The following SUCLA2 variants were observed in gnomAD, a reference collection of about 807,000 sequenced individuals.
SUCLA2 encodes succinate--CoA ligase [ADP-forming] subunit beta, mitochondrial.
Under a neutral mutation model 54.8 loss-of-function variants are expected in SUCLA2, and 30 were observed. That is an observed-to-expected ratio of 0.55 (90% CI 0.41 to 0.74). The LOEUF is 0.74. SUCLA2 is among the 30% of genes least tolerant of loss of function. The probability of loss-of-function intolerance (pLI) is 0.00; values close to 1 mark genes in which losing one functional copy is unlikely to be tolerated. For missense variants in SUCLA2, 476 were observed against 562.9 expected (o/e 0.85, Z 1.56); for synonymous variants, 172 against 188.9 (o/e 0.91, Z 0.74).
intron 4 of SUCLA2, chr13:47,988,204 C>T: frequency 3.2e-6 from 1 of 313,518 alleles, no homozygotes; most frequent in Non-Finnish European, 5.7e-6. Context: ...CTTTCTCTTT[C>T]ATTAGAATAT....
At chr13:47,996,691 T>C (rs1950194187) in intron 2 of SUCLA2, 152 bp downstream of exon 2, 1 of 578,534 alleles carries the variant, frequency 1.7e-6, no homozygotes, top group Non-Finnish European at 2.8e-6. Flanking sequence ...TTTTAGAATT[T>C]CAATAATAAT....
rs1950226413 is a variant in SUCLA2 at position 48,001,003 on chromosome 13, T to C, written c.90+177A>G. The C allele has an allele frequency of 8.3e-6, 12 of 1,453,466 alleles. No individual in the cohort carries two copies. In the South Asian group the frequency reaches 1.4e-4, roughly 17 times the overall value. 90.0% of individuals were successfully genotyped at this position (1,453,466 alleles called of 1,614,324 possible). ...GGGCTGGGTCAGAGCCGCGCAAACATGGGCTCGCTCGTAGTCCTGGCGAGC... is the reference window on the plus strand; with the variant it reads ...GGGCTGGGTCAGAGCCGCGCAAACACGGGCTCGCTCGTAGTCCTGGCGAGC... On this transcript the variant is annotated intron_variant, in intron 1 of 10. Coordinates refer to ENST00000646932, the MANE Select transcript of SUCLA2 (RefSeq NM_003850.3).
chr13:47,992,388 C>CAAAAAAAAAA (rs35103136), intron 2 of SUCLA2, among the ~76,000 whole-genome samples: 2 of 93,072 alleles, frequency 2.1e-5, no homozygotes, highest in Admixed American at 1.3e-4. Flanking sequence ...ACAACGAAAG[C>CAAAAAAAAAA]AAAAAAAAAA....
rs7335962 is a variant in SUCLA2 at position 47,971,483 on chromosome 13, G to T, written c.663+1781C>A. 39 of 172,986 alleles carry T rather than the reference G, an allele frequency of 2.3e-4. 2 individuals carry two copies. The highest frequency in any genetic ancestry group is 8.5e-5 in the Non-Finnish European group (7 of 82,284). 10.7% of individuals were successfully genotyped at this position (172,986 alleles called of 1,614,324 possible). A position where few individuals can be genotyped will look rare whatever the true frequency, so the allele number is the denominator to read the frequency against. On this transcript the variant is annotated intron_variant, in intron 5 of 10. Coordinates refer to ENST00000646932, the MANE Select transcript of SUCLA2 (RefSeq NM_003850.3). ...ATATCCAAAGCAAACAATTTAATTCGATAGCAGCATTACAAATATTACCAA... is the reference window on the plus strand; with the variant it reads ...ATATCCAAAGCAAACAATTTAATTCTATAGCAGCATTACAAATATTACCAA...
At chr13:48,000,955 C>T (rs1399914400) in intron 1 of SUCLA2, 3 of 1,406,454 alleles carry the variant, frequency 2.1e-6, no homozygotes, top group African/African-American at 2.9e-5. Flanking sequence ...ACGGCCGGGC[C>T]GCCGGGGATC....
intron 10 of SUCLA2, among the ~76,000 whole-genome samples, chr13:47,948,084 T>C (rs1949747591): frequency 6.6e-6 from 1 of 152,184 alleles, no homozygotes; most frequent in Non-Finnish European, 1.5e-5. Flanking sequence ...AATTTTTTTA[T>C]ACCATTATCA....
intron 4 of SUCLA2, among the ~76,000 whole-genome samples, chr13:47,985,701 G>A (rs929447556): frequency 2.0e-5 from 3 of 152,214 alleles, no homozygotes; most frequent in East Asian, 1.9e-4. Context: ...TGAACATACC[G>A]ATGCATGTAT....
intron 8 of SUCLA2, among the ~76,000 whole-genome samples, chr13:47,951,583 A>G (rs1206410436): frequency 6.6e-6 from 1 of 152,214 alleles, no homozygotes; most frequent in African/African-American, 2.4e-5. Flanking sequence ...TGGAAACACT[A>G]GCATAACCTG....
intron 6 of SUCLA2, chr13:47,965,601 T>C: frequency 5.0e-6 from 2 of 397,684 alleles, no homozygotes; most frequent in East Asian, 3.6e-5. Flanking sequence ...CCAGGTCAAA[T>C]GGATGTGACA....
chr13:47,948,797 G>A, intron 10 of SUCLA2, 143 bp downstream of exon 10: 1 of 812,400 alleles, frequency 1.2e-6, no homozygotes, highest in Non-Finnish European at 2.1e-6. Flanking sequence ...CTTTCAGCAA[G>A]AGTCATGAAT....
chr13:47,981,636 T>A (rs1950060921), intron 4 of SUCLA2, among the ~76,000 whole-genome samples: 2 of 152,126 alleles, frequency 1.3e-5, no homozygotes, highest in Non-Finnish European at 2.9e-5. Flanking sequence ...GCCAACATAG[T>A]GAAACCCTGT....
intron 1 of SUCLA2, 171 bp downstream of exon 1, chr13:48,001,009 C>A: frequency 6.9e-7 from 1 of 1,458,362 alleles, no homozygotes; most frequent in Non-Finnish European, 9.1e-7. Flanking sequence ...AACATGGGCT[C>A]GCTCGTAGTC....
intron 4 of SUCLA2, among the ~76,000 whole-genome samples, chr13:47,986,029 G>GT (rs36000556): frequency 0.63 from 76,448 of 121,958 alleles, 24,968 homozygotes; most frequent in East Asian, 0.86. Context: ...CATATGTATA[G>GT]TTTTTTTTTT....
At chr13:47,984,194 C>T (rs1950081126) in intron 4 of SUCLA2, among the ~76,000 whole-genome samples, 1 of 143,996 alleles carries the variant, frequency 6.9e-6, no homozygotes, top group African/African-American at 2.5e-5. Flanking sequence ...CTACTTTTCA[C>T]TTTTTTTTTT....
At chr13:47,980,746 A>T (rs758940292) in intron 4 of SUCLA2, among the ~76,000 whole-genome samples, 4 of 152,196 alleles carry the variant, frequency 2.6e-5, no homozygotes, top group Non-Finnish European at 4.4e-5. Context: ...AAACAGACAT[A>T]TAGACCAATG....
chr13:47,994,015 G>A (rs1336834992), intron 2 of SUCLA2, among the ~76,000 whole-genome samples: 2 of 147,678 alleles, frequency 1.4e-5, no homozygotes, highest in Non-Finnish European at 3.0e-5. Flanking sequence ...CTGAGATGGC[G>A]CCATTGCACT....
intron 4 of SUCLA2, among the ~76,000 whole-genome samples, chr13:47,987,270 G>A (rs527772863): frequency 6.6e-6 from 1 of 152,018 alleles, no homozygotes; most frequent in East Asian, 1.9e-4. Context: ...GAATTACTAT[G>A]GATAGAACTC....
chr13:47,992,460 A>T (rs1373815198), intron 2 of SUCLA2, among the ~76,000 whole-genome samples: 3 of 151,902 alleles, frequency 2.0e-5, no homozygotes, highest in African/African-American at 7.2e-5. Context: ...AAGAAAGATT[A>T]GAAGAGAAGT....
intron 6 of SUCLA2, among the ~76,000 whole-genome samples, chr13:47,956,441 G>A (rs905143143): frequency 6.6e-6 from 1 of 152,172 alleles, no homozygotes; most frequent in East Asian, 1.9e-4. Flanking sequence ...GAAACTGGAA[G>A]AAAAGGAGAA....
Sources: allele counts gnomAD v4.1 joint callset (sites outside exome capture counted in the v4.1 genomes callset), GRCh38; gene constraint gnomAD v4.1.1; transcripts MANE v1.5; gene names NCBI Gene and HGNC (gene_info 2026-07-23, HGNC 2026-07-21).